The following TIMD4 variants were observed in gnomAD, a reference collection of about 807,000 sequenced individuals.
The protein encoded by TIMD4 is T-cell immunoglobulin and mucin domain-containing protein 4.
Under a neutral mutation model 41.2 loss-of-function variants are expected in TIMD4, and 31 were observed. The ratio of observed to expected loss-of-function variants is 0.75; its 90% CI spans 0.57 to 1.01. TIMD4 has a LOEUF of 1.01. TIMD4 is among the 50% of genes least tolerant of loss of function. The probability of loss-of-function intolerance (pLI) is 0.00; values close to 1 mark genes in which losing one functional copy is unlikely to be tolerated. For synonymous variants in TIMD4, 204 were observed against 177.1 expected, an observed-to-expected ratio of 1.15 and a Z score of -1.21; for missense variants, 479 against 472.5, an observed-to-expected ratio of 1.01 and a Z score of -0.13.
chr5:156,923,541 T>A (rs934579000), intron 6 of TIMD4, among the ~76,000 whole-genome samples: 1 of 151,040 alleles, frequency 6.6e-6, no homozygotes, highest in East Asian at 1.9e-4. Flanking sequence ...AGAAACTGAT[T>A]TTTTTTTTCT....
chr5:156,922,583 A>G (rs1205226887), intron 6 of TIMD4, among the ~76,000 whole-genome samples: 1 of 152,260 alleles, frequency 6.6e-6, no homozygotes, highest in Non-Finnish European at 1.5e-5. Context: ...GATGAAAGAG[A>G]AAATGAAACT....
intron 1 of TIMD4, among the ~76,000 whole-genome samples, chr5:156,962,639 TG>T (rs1224464251): frequency 1.3e-5 from 2 of 152,152 alleles, no homozygotes; most frequent in Non-Finnish European, 2.9e-5. Flanking sequence ...AGAACTTCAC[TG>T]GCCAAAACTG....
intron 1 of TIMD4, among the ~76,000 whole-genome samples, chr5:156,959,580 G>A (rs1760041577): frequency 1.3e-5 from 2 of 152,186 alleles, no homozygotes; most frequent in Admixed American, 1.3e-4. Flanking sequence ...CCTTATGCCA[G>A]CTTGGTTCCT....
chr5:156,954,054 C>T (rs1251610283), intron 2 of TIMD4, among the ~76,000 whole-genome samples: 1 of 152,156 alleles, frequency 6.6e-6, no homozygotes, highest in Non-Finnish European at 1.5e-5. Context: ...TTAGTTCATG[C>T]AGTTTTTTTA....
At chr5:156,920,562 T>C (rs1759218134) in intron 7 of TIMD4, 59 bp from the exon 8 acceptor site, 1 of 1,571,952 alleles carries the variant, frequency 6.4e-7, no homozygotes, top group Non-Finnish European at 8.8e-7. Flanking sequence ...ACATGCAAAA[T>C]GCTGGGGGAA....
chr5:156,955,547 T>A (rs1759956603), intron 1 of TIMD4, among the ~76,000 whole-genome samples: 1 of 151,824 alleles, frequency 6.6e-6, no homozygotes, highest in Non-Finnish European at 1.5e-5. Context: ...TCCCAGCTAC[T>A]CAGGAGGCTG....
intron 7 of TIMD4, 129 bp downstream of exon 7, chr5:156,921,970 G>A: frequency 4.6e-6 from 3 of 656,256 alleles, no homozygotes; most frequent in Non-Finnish European, 7.7e-6. Context: ...TCCCTGGCTG[G>A]GATGGGAACA....
At chr5:156,960,396 T>C (rs1023702632) in intron 1 of TIMD4, among the ~76,000 whole-genome samples, 2 of 151,224 alleles carry the variant, frequency 1.3e-5, no homozygotes, top group African/African-American at 4.9e-5. Flanking sequence ...GATTGTTTTT[T>C]TCTTCCCCCT....
At chr5:156,925,034 C>A (rs890062227) in intron 6 of TIMD4, among the ~76,000 whole-genome samples, 3 of 152,154 alleles carry the variant, frequency 2.0e-5, no homozygotes, top group Non-Finnish European at 2.9e-5. Flanking sequence ...ATAGGCCAGG[C>A]ATGTTGGCTC....
chr5:156,944,071 AAAG>A (rs1759693464), intron 5 of TIMD4, among the ~76,000 whole-genome samples: 2 of 151,946 alleles, frequency 1.3e-5, no homozygotes, highest in Admixed American at 6.5e-5. Flanking sequence ...AAAAAAAAAA[AAAG>A]AAATAAAGAA....
intron 1 of TIMD4, among the ~76,000 whole-genome samples, chr5:156,955,905 A>G (rs1759961889): frequency 6.6e-6 from 1 of 152,232 alleles, no homozygotes; most frequent in Admixed American, 6.5e-5. Context: ...TCTGATATAC[A>G]TATACATCGT....
chr5:156,949,684 T>A lies in TIMD4; in HGVS notation c.727A>T (p.Thr243Ser). Residue 243 changes from threonine (T) to serine (S), a missense_variant, in exon 4 of 9, where the codon ACT (threonine) becomes TCT (serine). Physicochemically the swap from Thr to Ser is moderately conservative, Grantham distance 58. Transcript: ENST00000274532. Reference sequence around the variant, plus strand: ...GTCAGCAGGACAGTGTCAGCAGAAGTAGACTCAACACTACTCCAGGAATCA... The same window carrying A: ...GTCAGCAGGACAGTGTCAGCAGAAGAAGACTCAACACTACTCCAGGAATCA... ...PSDSWSSVES[T>S]SADTVLLTSK... The A allele has an allele frequency of 6.2e-7, 1 of 1,613,636 alleles. No homozygotes were observed. Among genetic ancestry groups the A allele is most frequent in the Non-Finnish European group, 8.5e-7 (1 of 1,179,586 alleles).
At chr5:156,929,096 G>C (rs899640436) in intron 5 of TIMD4, among the ~76,000 whole-genome samples, 4 of 152,078 alleles carry the variant, frequency 2.6e-5, no homozygotes, top group Non-Finnish European at 5.9e-5. Flanking sequence ...GCACTCCAAG[G>C]GCTACAGTGT....
intron 5 of TIMD4, among the ~76,000 whole-genome samples, chr5:156,944,411 C>T (rs971607081): frequency 1.5e-4 from 23 of 152,120 alleles, no homozygotes; most frequent in Non-Finnish European, 3.1e-4. Flanking sequence ...ACAGATATCC[C>T]CCATCCAGGA....
intron 5 of TIMD4, among the ~76,000 whole-genome samples, chr5:156,938,913 G>A (rs1161849867): frequency 6.6e-6 from 1 of 152,062 alleles, no homozygotes; most frequent in African/African-American, 2.4e-5. Flanking sequence ...AGCTTCCTCG[G>A]CCCTTGTGTG....
chr5:156,961,241 C>A (rs1049199589), intron 1 of TIMD4, among the ~76,000 whole-genome samples: 1 of 152,104 alleles, frequency 6.6e-6, no homozygotes, highest in East Asian at 1.9e-4. Flanking sequence ...GCATTGCTGG[C>A]GAGGACGCAA....
In TIMD4 at chr5:156,951,654, G is replaced by A. The variant is rs767513076; in HGVS notation, c.537C>T (p.Thr179=). The change falls in exon 3 of 9, where the codon ACC becomes ACT. Residue 179 remains threonine, a synonymous_variant. Transcript: ENST00000274532. The stretch of plus-strand genomic sequence containing the variant: ...TGGTTGTCATCTGGAGTGGTGTTCC[G>A]GTTGTGAGATCGGGTGTGGTCACGA... ...TTVVTTPDLT[T]GTPLQMTTIA... is the part of the protein sequence containing the mutation. 59 of 1,614,032 alleles carry A rather than the reference G, an allele frequency of 3.7e-5. No homozygotes were observed. The highest frequency in any genetic ancestry group is 2.7e-4 in the African/African-American group (20 of 74,896).
intron 5 of TIMD4, among the ~76,000 whole-genome samples, chr5:156,932,985 C>A (rs540792472): frequency 1.4e-5 from 2 of 147,360 alleles, no homozygotes; most frequent in East Asian, 3.9e-4. Flanking sequence ...GCCTGGGCAA[C>A]CGAGTAAGAC....
chr5:156,957,512 C>CAAAGA (rs1759993012), intron 1 of TIMD4, among the ~76,000 whole-genome samples: 1 of 113,868 alleles, frequency 8.8e-6, no homozygotes, highest in Non-Finnish European at 1.8e-5. Context: ...GAGTCTATCT[C>CAAAGA]AAAAAAAAAA....
Sources: gnomAD v4.1 joint callset for allele counts (sites outside exome capture counted in the v4.1 genomes callset) on GRCh38, gnomAD v4.1.1 for gene constraint, MANE v1.5 for transcripts, NCBI Gene and HGNC (gene_info 2026-07-23, HGNC 2026-07-21) for gene names.